Variants in DPF3 observed in about 807,000 individuals in gnomAD.
DPF3 encodes the protein double PHD fingers 3.
Under a neutral mutation model 56.8 loss-of-function variants are expected in DPF3, and 18 were observed. The observed-to-expected ratio is 0.32, with a 90% confidence interval of 0.22 to 0.47. The LOEUF is 0.47. Ranked by LOEUF, DPF3 falls within the 20% of genes least tolerant of loss-of-function variation. The probability of loss-of-function intolerance (pLI) is 1.00; values close to 1 mark genes in which losing one functional copy is unlikely to be tolerated. For missense variants in DPF3, 403 were observed against 488.8 expected (o/e 0.82, Z 1.65); for synonymous variants, 188 against 180.2 (o/e 1.04, Z -0.35).
rs1415547717 is a variant in DPF3, at chr14:72,610,148, C to T, written c.*9149G>A. On this transcript the variant is annotated 3_prime_UTR_variant, in exon 11 of 11. Transcript: ENST00000556509. ...GTGGCTTCCCTCTCTGGTGCCCATA[C>T]CTGGAAGAAGCAATCCCAGGTTTGC... is the stretch of plus-strand genomic sequence containing the variant. Among the ~76,000 whole-genome samples the T allele has an allele frequency of 6.6e-6, 1 of 152,192 alleles. No homozygotes were observed. Among genetic ancestry groups the T allele is most frequent in the African/African-American group, 2.4e-5 (1 of 41,436 alleles).
At chr14:72,729,438 G>T (rs1198950529) in intron 4 of DPF3, among the ~76,000 whole-genome samples, 1 of 152,144 alleles carries the variant, frequency 6.6e-6, no homozygotes, top group Non-Finnish European at 1.5e-5. Flanking sequence ...AAAAGAGGAA[G>T]AGTGGAGTCA....
chr14:72,847,385 C>T (rs1884801524), intron 1 of DPF3, among the ~76,000 whole-genome samples: 1 of 152,208 alleles, frequency 6.6e-6, no homozygotes, highest in Non-Finnish European at 1.5e-5. Context: ...CGGATTCCAC[C>T]AGTACTCTTG....
chr14:72,690,566 ACAC>A (rs773936298), intron 7 of DPF3, among the ~76,000 whole-genome samples: 48 of 151,540 alleles, frequency 3.2e-4, no homozygotes, highest in East Asian at 8.0e-4. Context: ...GCACGCACAC[ACAC>A]AACGTACATA....
chr14:72,726,169 G>T (rs1217070474), intron 4 of DPF3, among the ~76,000 whole-genome samples: 2 of 152,146 alleles, frequency 1.3e-5, no homozygotes, highest in African/African-American at 2.4e-5. Flanking sequence ...TAAATATAAG[G>T]TCTGGTTATG....
At chr14:72,642,012 T>C (rs1347055944) in intron 8 of DPF3, among the ~76,000 whole-genome samples, 2 of 152,224 alleles carry the variant, frequency 1.3e-5, no homozygotes, top group African/African-American at 2.4e-5. Flanking sequence ...GGGAAGCCTC[T>C]GTTCAGCCAG....
At chr14:72,871,375 C>T (rs575087507) in intron 1 of DPF3, among the ~76,000 whole-genome samples, 5 of 152,214 alleles carry the variant, frequency 3.3e-5, no homozygotes, top group Non-Finnish European at 7.3e-5. Context: ...AAAGTCTCAT[C>T]TGAGACAAGG....
At chr14:72,654,921 C>T (rs773709894) in intron 8 of DPF3, among the ~76,000 whole-genome samples, 2 of 152,060 alleles carry the variant, frequency 1.3e-5, no homozygotes, top group African/African-American at 2.4e-5. Context: ...TTTTCAATTA[C>T]GGACAAAAAG....
At chr14:72,687,799 G>T (rs978878673) in intron 7 of DPF3, among the ~76,000 whole-genome samples, 2 of 152,132 alleles carry the variant, frequency 1.3e-5, no homozygotes, top group African/African-American at 4.8e-5. Context: ...GCACCAGAAT[G>T]CCCTGGAGAG....
chr14:72,752,949 G>T (rs1010687089), intron 3 of DPF3, among the ~76,000 whole-genome samples: 1 of 152,156 alleles, frequency 6.6e-6, no homozygotes, highest in African/African-American at 2.4e-5. Flanking sequence ...CACATGACCC[G>T]AAAGAGCTGC....
chr14:72,886,182 G>C (rs1434990802), intron 1 of DPF3, among the ~76,000 whole-genome samples: 1 of 152,138 alleles, frequency 6.6e-6, no homozygotes, highest in Non-Finnish European at 1.5e-5. Flanking sequence ...GACGAGCCTG[G>C]CCAACATGGT....
chr14:72,671,229 G>A (rs1886660622), intron 8 of DPF3: 6 of 1,613,940 alleles, frequency 3.7e-6, no homozygotes, highest in Non-Finnish European at 5.1e-6. Flanking sequence ...CCTCATCAAA[G>A]CCGTGGAAAG....
intron 7 of DPF3, among the ~76,000 whole-genome samples, chr14:72,687,523 G>A (rs1439690377): frequency 6.6e-6 from 1 of 152,122 alleles, no homozygotes; most frequent in Non-Finnish European, 1.5e-5. Flanking sequence ...CATAGAAGAC[G>A]CTTCCCACTG....
chr14:72,780,234 G>A (rs1599434283), intron 1 of DPF3, among the ~76,000 whole-genome samples: 1 of 152,150 alleles, frequency 6.6e-6, no homozygotes, highest in South Asian at 2.1e-4. Flanking sequence ...TCAAGAGCTG[G>A]CTGAAAACTT....
chr14:72,730,873 G>A (rs1889611212), intron 4 of DPF3, among the ~76,000 whole-genome samples: 1 of 152,098 alleles, frequency 6.6e-6, no homozygotes, highest in Admixed American at 6.6e-5. Context: ...ACAAATAAGA[G>A]ATGGTAGGTG....
intron 3 of DPF3, among the ~76,000 whole-genome samples, chr14:72,732,249 G>A (rs1208479774): frequency 2.0e-5 from 3 of 152,250 alleles, no homozygotes; most frequent in African/African-American, 7.2e-5. Context: ...GCAGGCGTCA[G>A]GAGCGTGGAG....
intron 8 of DPF3, chr14:72,662,243 C>G: frequency 2.0e-6 from 2 of 985,272 alleles, no homozygotes; most frequent in Non-Finnish European, 2.4e-6. Context: ...TTTAAAAAGC[C>G]TGAGAGAGCA....
At position 72,887,152 on chromosome 14, in the gene DPF3, A is replaced by AACACACACACACAC. The variant is rs149200705; in HGVS notation, c.32+6891_32+6904dup. Among the ~76,000 whole-genome samples the AACACACACACACAC allele has an allele frequency of 5.1e-5, 7 of 138,046 alleles. No homozygotes were observed. The South Asian group carries it at 1.0e-3, about 20-fold the overall frequency. The allele number at this position is 138,046 out of a possible 152,430, so 90.6% of individuals were successfully genotyped here. ...AAAATTGGTTACCCTTCTGCCTCCA[A>AACACACACACACAC]ACACACACACACACACACACACACA... On this transcript the variant is annotated intron_variant, in intron 1 of 10. Coordinates refer to ENST00000556509, the MANE Select transcript of DPF3 (RefSeq NM_001280542.3).
chr14:72,731,780 T>C, intron 4 of DPF3, 27 bp downstream of exon 4: 7 of 1,612,656 alleles, frequency 4.3e-6, no homozygotes, highest in Non-Finnish European at 5.9e-6. Context: ...GAACACTCTG[T>C]GGGGTCCCCA....
chr14:72,610,683 G>A lies in DPF3; in HGVS notation c.*8614C>T, dbSNP rs890297313. ...GGCCAGGAAGGCGCCTGATGAGACC[G>A]TGTTCTCAGCCTGAGAGCGCGCTCA... is the stretch of plus-strand genomic sequence containing the variant. On this transcript the variant is annotated 3_prime_UTR_variant, in exon 11 of 11. Coordinates refer to ENST00000556509, the MANE Select transcript of DPF3 (RefSeq NM_001280542.3). Among the ~76,000 whole-genome samples the A allele has an allele frequency of 8.5e-5, 13 of 152,326 alleles. No individual in the cohort carries two copies. The highest frequency in any genetic ancestry group is 1.4e-4 in the African/African-American group (6 of 41,580).
Sources: allele counts gnomAD v4.1 joint callset (sites outside exome capture counted in the v4.1 genomes callset), GRCh38; gene constraint gnomAD v4.1.1; transcripts MANE v1.5; gene names NCBI Gene and HGNC (gene_info 2026-07-23, HGNC 2026-07-21).